Variants in TMPRSS9 observed in about 807,000 individuals in gnomAD.
TMPRSS9 encodes transmembrane protease serine 9.
In TMPRSS9, 113 loss-of-function variants were observed where a neutral mutation model predicts 111.4. The observed-to-expected ratio is 1.01, with a 90% CI of 0.87 to 1.19. The LOEUF (loss-of-function observed/expected upper bound fraction) is 1.19. TMPRSS9 is among the 50% of genes most tolerant of loss of function. TMPRSS9 has a pLI of 0.00. For missense variants in TMPRSS9, 1,803 were observed against 1,513.1 expected (o/e 1.19, Z -3.18); for synonymous variants, 805 against 659.1 (o/e 1.22, Z -3.39).
chr19:2,421,197 ACT>A (rs1432797337), intron 13 of TMPRSS9, among the ~76,000 whole-genome samples: 1 of 151,774 alleles, frequency 6.6e-6, no homozygotes, highest in Admixed American at 6.6e-5. Flanking sequence ...CAAGAGCGAG[ACT>A]CTGCCTCAAG....
chr19:2,383,029 G>A (rs1970404977), intron 1 of TMPRSS9, among the ~76,000 whole-genome samples: 1 of 152,204 alleles, frequency 6.6e-6, no homozygotes, highest in Admixed American at 6.6e-5. Context: ...ATTATGGAGG[G>A]TCACCTGCTT....
At chr19:2,404,499 C>T (rs942265201) in intron 6 of TMPRSS9, among the ~76,000 whole-genome samples, 5 of 150,236 alleles carry the variant, frequency 3.3e-5, no homozygotes, top group Admixed American at 1.3e-4. Flanking sequence ...GCCAAGATCA[C>T]GCCACTGTAC....
At chr19:2,402,400 C>G (rs1473705095) in intron 5 of TMPRSS9, among the ~76,000 whole-genome samples, 2 of 151,966 alleles carry the variant, frequency 1.3e-5, no homozygotes, top group African/African-American at 4.8e-5. Context: ...TGAGATCACG[C>G]CACTGCACTC....
intron 1 of TMPRSS9, among the ~76,000 whole-genome samples, chr19:2,381,955 A>G (rs1431556712): frequency 6.6e-6 from 1 of 152,050 alleles, no homozygotes; most frequent in African/African-American, 2.4e-5. Flanking sequence ...AGATTGACCT[A>G]TCTTAGGCTC....
At chr19:2,421,922 C>T (rs1188619122) in exon 14 of TMPRSS9, 2 of 1,613,094 alleles carry the variant, frequency 1.2e-6, no homozygotes, top group South Asian at 2.2e-5. Context: ...GGATCGTGAG[C>T]TGGGGTATTG....
chr19:2,417,199 C>G (rs1346833944), intron 12 of TMPRSS9, among the ~76,000 whole-genome samples: 1 of 152,138 alleles, frequency 6.6e-6, no homozygotes, highest in Non-Finnish European at 1.5e-5. Context: ...CATGTGGTGG[C>G]TCACACCTGT....
intron 2 of TMPRSS9, among the ~76,000 whole-genome samples, chr19:2,397,042 T>C (rs952438938): frequency 2.6e-5 from 4 of 151,686 alleles, no homozygotes; most frequent in Non-Finnish European, 5.9e-5. Flanking sequence ...TGCCTCAGCC[T>C]CCCGAGTAGC....
At chr19:2,403,765 A>G (rs1301815219) in intron 6 of TMPRSS9, among the ~76,000 whole-genome samples, 1 of 152,008 alleles carries the variant, frequency 6.6e-6, no homozygotes, top group Non-Finnish European at 1.5e-5. Context: ...AGGCTGAGGC[A>G]GGTAGATCAC....
intron 1 of TMPRSS9, among the ~76,000 whole-genome samples, chr19:2,363,803 T>TGTGTGTGTGTGC (rs1432791076): frequency 1.3e-4 from 15 of 116,620 alleles, no homozygotes; most frequent in African/African-American, 4.7e-4. Flanking sequence ...TGTGTGTGTG[T>TGTGTGTGTGTGC]GCGTGCGCGC....
At chr19:2,388,315 G>C (rs1344385995), upstream of TMPRSS9, among the ~76,000 whole-genome samples, 1 of 152,046 alleles carries the variant, frequency 6.6e-6, no homozygotes, top group Admixed American at 6.6e-5. Context: ...GAGCCCAGGA[G>C]GTGGAGGCTG....
chr19:2,396,531 G>C lies in TMPRSS9; in HGVS notation c.143-8G>C. 1.3e-6 allele frequency: 2 copies of C among 1,596,014 alleles called. No homozygotes were observed. Among genetic ancestry groups the C allele is most frequent in the South Asian group, 1.1e-5 (1 of 88,770 alleles). ...GGGCTCTCTCACGGGCCCTGGTCTC[G>C]TCCCCAGCCTTCCTCTCTACACAGG... On this transcript the variant is annotated splice_region_variant and splice_polypyrimidine_tract_variant and intron_variant, in intron 1 of 17. Transcript: ENST00000648592.
intron 1 of TMPRSS9, among the ~76,000 whole-genome samples, chr19:2,391,574 GTC>G (rs1365410398): frequency 1.4e-5 from 2 of 143,534 alleles, no homozygotes; most frequent in African/African-American, 5.1e-5. Flanking sequence ...GCATGTGTGT[GTC>G]TGCGTGTGTA....
rs749664268 is a variant in TMPRSS9 at position 2,421,987 on chromosome 19, G to A, written c.2288G>A (p.Gly763Asp). The change falls in exon 14 of 18, where the codon GGC becomes GAC. Residue 763 changes from glycine (G) to aspartate (D), a missense_variant. Gly to Asp is a moderately conservative substitution (Grantham distance 94). Transcript: ENST00000648592. The stretch of plus-strand genomic sequence containing the variant: ...TACACGCGCATCACCAGGCTAAAGG[G>A]CTGGATCCTGGAGATCATGTCCTCC... The A allele has an allele frequency of 3.1e-6, 5 of 1,613,138 alleles. No homozygotes were observed. The South Asian group carries it at 4.4e-5, about 14-fold the overall frequency.
At position 2,416,624 on chromosome 19, in the gene TMPRSS9, G is replaced by A. The variant is rs147705810; in HGVS notation, c.1832G>A (p.Arg611Gln). 7.9e-5 allele frequency: 128 copies of A among 1,612,836 alleles called. No individual in the cohort carries two copies. In the African/African-American group the frequency reaches 1.5e-3, roughly 18 times the overall value. Reference sequence around the variant, plus strand: ...AGCCCGGTGAAGATCGGGCTGCGGCGGGTAGTGCTGCACCCCCTCTACAAC... The same window carrying A: ...AGCCCGGTGAAGATCGGGCTGCGGCAGGTAGTGCTGCACCCCCTCTACAAC... The change falls in exon 12 of 18, where the codon CGG becomes CAG. Residue 611 changes from arginine to glutamine, a missense_variant. Physicochemically the swap from Arg to Gln is conservative, Grantham distance 43. Coordinates refer to ENST00000648592, the Ensembl canonical transcript of TMPRSS9.
chr19:2,414,261 A>C, intron 10 of TMPRSS9: 1 of 410,294 alleles, frequency 2.4e-6, no homozygotes, highest in Non-Finnish European at 4.3e-6. Context: ...TTTTTTTGAG[A>C]CGCAGTCTTG....
At chr19:2,378,343 G>C (rs1970355423) in intron 1 of TMPRSS9, among the ~76,000 whole-genome samples, 1 of 152,294 alleles carries the variant, frequency 6.6e-6, no homozygotes, top group South Asian at 2.1e-4. Context: ...GCTGAACAGG[G>C]ACAGTCCTGG....
At chr19:2,381,809 G>C (rs1157763310) in intron 1 of TMPRSS9, among the ~76,000 whole-genome samples, 1 of 150,326 alleles carries the variant, frequency 6.7e-6, no homozygotes. Context: ...GGAGACATTA[G>C]AATTTCAGAT....
In TMPRSS9 at chr19:2,379,677, C is replaced by CTTTCTTTCTT. The variant is rs1240073481; in HGVS notation, c.-25-10083_-25-10082insTTCTTTCTTT. Among the ~76,000 whole-genome samples, 213 of 131,836 alleles carry CTTTCTTTCTT rather than the reference C, an allele frequency of 1.6e-3. 2 individuals carry two copies. Among genetic ancestry groups the CTTTCTTTCTT allele is most frequent in the African/African-American group, 5.8e-3 (198 of 33,868 alleles). 86.5% of individuals were successfully genotyped at this position (131,836 alleles called of 152,430 possible). A position where few individuals can be genotyped will look rare whatever the true frequency, so the allele number is the denominator to read the frequency against. On this transcript the variant is annotated intron_variant, in intron 1 of 17. Coordinates refer to the TMPRSS9 transcript ENST00000649857. ...TCTTTCTTTCTTTCTTTCTTTCTTT[C>CTTTCTTTCTT]TCTTTTTCTTTCTTTCCTTCCTTCC...
Position 2,396,679 on chromosome 19 carries a change from T to A in TMPRSS9, c.270+13T>A, listed in dbSNP as rs368839147. On this transcript the variant is annotated intron_variant, in intron 2 of 17. Transcript: ENST00000648592. ...CCTGGAGGCACTGGTGAGGGTGGTC[T>A]GTGTTTGGGGGCCAGGGAGGAAGAG... 35 of 1,599,082 alleles carry A rather than the reference T, an allele frequency of 2.2e-5. No homozygotes were observed. The highest frequency in any genetic ancestry group is 3.0e-5 in the Non-Finnish European group (35 of 1,170,100).
Sources: gnomAD v4.1 joint callset for allele counts (sites outside exome capture counted in the v4.1 genomes callset) on GRCh38, gnomAD v4.1.1 for gene constraint, MANE v1.5 for transcripts, NCBI Gene and HGNC (gene_info 2026-07-23, HGNC 2026-07-21) for gene names.